Variants in TUFT1 observed in about 807,000 individuals in gnomAD.
The protein encoded by TUFT1 is tuftelin 1.
A neutral mutation model predicts 57.8 loss-of-function variants in TUFT1; 43 were observed. That is an observed-to-expected ratio of 0.74 (90% CI 0.58 to 0.96). The LOEUF (loss-of-function observed/expected upper bound fraction) is 0.96, where lower values mean the gene tolerates loss of function less well. TUFT1 is among the 40% of genes least tolerant of loss of function. The probability of loss-of-function intolerance (pLI) is 0.00; values close to 1 mark genes in which losing one functional copy is unlikely to be tolerated. For synonymous variants in TUFT1, 166 were observed against 176.7 expected, an observed-to-expected ratio of 0.94 and a Z score of 0.48; for missense variants, 459 against 489.0, an observed-to-expected ratio of 0.94 and a Z score of 0.58.
intron 6 of TUFT1, among the ~76,000 whole-genome samples, chr1:151,567,986 CAG>C (rs1384052632): frequency 6.6e-6 from 1 of 152,192 alleles, no homozygotes; most frequent in Non-Finnish European, 1.5e-5. Context: ...GTAATCTACT[CAG>C]AGAAAAACCA....
rs1254629955 is a variant in TUFT1, at chr1:151,582,052, T to C, written c.*345T>C. 1.9e-6 allele frequency: 1 copy of C among 529,204 alleles called. No homozygotes were observed. Among genetic ancestry groups the C allele is most frequent in the Admixed American group, 2.2e-5 (1 of 44,688 alleles). The allele number at this position is 529,204 out of a possible 1,614,324, so 32.8% of individuals were successfully genotyped here. On this transcript the variant is annotated 3_prime_UTR_variant, in exon 13 of 13. Transcript: ENST00000368849. ...TGCCATAAGCCAGGCCTTCATCAGA[T>C]TGGGAGAGGTGACAAGATTTGCCTC... is the stretch of plus-strand genomic sequence containing the variant.
chr1:151,581,839 G>A lies in TUFT1; in HGVS notation c.*132G>A, dbSNP rs1666655537. The A allele has an allele frequency of 1.1e-6, 1 of 918,650 alleles. No individual in the cohort carries two copies. The highest frequency in any genetic ancestry group is 1.7e-6 in the Non-Finnish European group (1 of 579,924). 56.9% of individuals were successfully genotyped at this position (918,650 alleles called of 1,614,324 possible). ...TGCACCCAGGACTTCGGGCTCCTGTGTCTCACCATTCCCAAGCCCCTGGCC... is the reference window on the plus strand; with the variant it reads ...TGCACCCAGGACTTCGGGCTCCTGTATCTCACCATTCCCAAGCCCCTGGCC... On this transcript the variant is annotated 3_prime_UTR_variant, in exon 13 of 13. Transcript: ENST00000368849.
intron 7 of TUFT1, among the ~76,000 whole-genome samples, chr1:151,570,972 G>T (rs955464435): frequency 1.3e-5 from 2 of 152,116 alleles, no homozygotes; most frequent in Non-Finnish European, 2.9e-5. Context: ...CTCCCAAAAT[G>T]TGGGGATTAC....
intron 1 of TUFT1, among the ~76,000 whole-genome samples, chr1:151,546,613 T>G (rs974476045): frequency 5.9e-5 from 9 of 152,340 alleles, no homozygotes; most frequent in Admixed American, 3.9e-4. Context: ...AATATAAATG[T>G]AATCATCGGT....
chr1:151,580,978 G>C lies in TUFT1; in HGVS notation c.1045G>C (p.Glu349Gln). The part of the protein sequence containing the change: ...EMHDRMEHLI[E>Q]KQISHGNFST... ...GCATGACCGGATGGAACACCTGATAGAAAAACAAATCAGTCATGGCAACTT... is the reference window on the plus strand; with the variant it reads ...GCATGACCGGATGGAACACCTGATACAAAAACAAATCAGTCATGGCAACTT... Residue 349 changes from glutamate to glutamine, a missense_variant, in exon 12 of 13, where the codon GAA (glutamate) becomes CAA (glutamine). Coordinates refer to ENST00000368849, the MANE Select transcript of TUFT1 (RefSeq NM_020127.3). 6.2e-7 allele frequency: 1 copy of C among 1,614,154 alleles called. No individual in the cohort carries two copies. Among genetic ancestry groups the C allele is most frequent in the South Asian group, 1.1e-5 (1 of 91,082 alleles).
intron 1 of TUFT1, among the ~76,000 whole-genome samples, chr1:151,550,327 C>A (rs544051443): frequency 6.6e-6 from 1 of 152,272 alleles, no homozygotes; most frequent in Admixed American, 6.5e-5. Context: ...GCCACTGTGC[C>A]TGGCCCAAAT....
intron 5 of TUFT1, among the ~76,000 whole-genome samples, chr1:151,565,370 T>C (rs1321591054): frequency 6.6e-6 from 1 of 152,264 alleles, no homozygotes. Context: ...TGATTTGCAT[T>C]TTGGTTCAGG....
chr1:151,548,142 TCGGGTGCGAGC>T (rs1438386040), intron 1 of TUFT1, among the ~76,000 whole-genome samples: 1 of 151,968 alleles, frequency 6.6e-6, no homozygotes, highest in African/African-American at 2.4e-5. Flanking sequence ...ATGAGCTGAG[TCGGGTGCGAGC>T]CTCACTCAAG....
intron 4 of TUFT1, among the ~76,000 whole-genome samples, chr1:151,564,268 C>T (rs1665993013): frequency 6.6e-6 from 1 of 152,230 alleles, no homozygotes. Context: ...CCCTTCCTGG[C>T]TCGTGTTTCT....
In TUFT1 at chr1:151,574,447, G is replaced by C. The variant is rs748380716; in HGVS notation, c.723+49G>C. The C allele has an allele frequency of 6.7e-5, 107 of 1,606,914 alleles. No homozygotes were observed. The East Asian group carries it at 2.3e-3, about 34-fold the overall frequency. On this transcript the variant is annotated intron_variant, in intron 8 of 12. Coordinates refer to ENST00000368849, the MANE Select transcript of TUFT1 (RefSeq NM_020127.3). ...AGTGCCTGGACTCCTGGGCTGGAAG[G>C]GGCCTGCAGGTGGATCGAAACGGTT...
At chr1:151,562,509 C>T (rs1350230261) in intron 2 of TUFT1, 76 bp from the exon 3 acceptor site, 5 of 1,255,440 alleles carry the variant, frequency 4.0e-6, no homozygotes, top group Non-Finnish European at 4.6e-6. Context: ...AGCTGAGGGG[C>T]AGGAGTTCTG....
chr1:151,562,173 G>A lies in TUFT1; in HGVS notation c.135+8G>A, dbSNP rs780351445. 12 of 1,612,648 alleles carry A rather than the reference G, an allele frequency of 7.4e-6. No individual in the cohort carries two copies. In the African/African-American group the frequency reaches 9.3e-5, roughly 13 times the overall value. ...GAACACATAGCCCAGAAGGTACTGCGGAATTCTGGTGGGCAAGGCCCCCTC... is the reference window on the plus strand; with the variant it reads ...GAACACATAGCCCAGAAGGTACTGCAGAATTCTGGTGGGCAAGGCCCCCTC... On this transcript the variant is annotated splice_region_variant and intron_variant, in intron 2 of 12. Coordinates refer to ENST00000368849, the MANE Select transcript of TUFT1 (RefSeq NM_020127.3).
At chr1:151,566,388 G>A (rs1338825991) in intron 6 of TUFT1, among the ~76,000 whole-genome samples, 160 bp downstream of exon 6, 1 of 152,116 alleles carries the variant, frequency 6.6e-6, no homozygotes, top group African/African-American at 2.4e-5. Flanking sequence ...ACAAAGAGTA[G>A]AAATTCTCCT....
chr1:151,578,809 C>A lies in TUFT1; in HGVS notation c.907C>A (p.Arg303=). ...GCTCAAGAGCCAGCAGCGGAAAGTC[C>A]GGCAAATGATAGAGCAGGTAAGTTG... ...DMLKSQQRKV[R]QMIEQLQNSK... The change falls in exon 10 of 13, where the codon CGG becomes AGG. Residue 303 remains arginine, a synonymous_variant. Coordinates refer to ENST00000368849, the MANE Select transcript of TUFT1 (RefSeq NM_020127.3). 6.4e-7 allele frequency: 1 copy of A among 1,571,658 alleles called. No individual in the cohort carries two copies. Among genetic ancestry groups the A allele is most frequent in the Non-Finnish European group, 8.6e-7 (1 of 1,157,084 alleles).
intron 7 of TUFT1, among the ~76,000 whole-genome samples, chr1:151,573,944 G>A (rs542796712): frequency 1.3e-5 from 2 of 152,266 alleles, no homozygotes; most frequent in African/African-American, 4.8e-5. Flanking sequence ...CCACAACATT[G>A]GGTTAAGCTT....
At chr1:151,562,277 G>A in intron 2 of TUFT1, 112 bp downstream of exon 2, 1 of 944,692 alleles carries the variant, frequency 1.1e-6, no homozygotes. Flanking sequence ...GAGCGTGGGA[G>A]CCCCTCCTTT....
chr1:151,547,394 A>G (rs1341475757), intron 1 of TUFT1, among the ~76,000 whole-genome samples: 3 of 152,172 alleles, frequency 2.0e-5, no homozygotes, highest in Admixed American at 6.5e-5. Flanking sequence ...CTTGCCTGCT[A>G]GTAATTATGG....
intron 1 of TUFT1, among the ~76,000 whole-genome samples, chr1:151,541,491 T>G (rs967361953): frequency 6.6e-6 from 1 of 152,082 alleles, no homozygotes; most frequent in Non-Finnish European, 1.5e-5. Context: ...AAAACTAAGG[T>G]GATGGGGAAC....
chr1:151,573,540 T>TTCGAGAGC (rs1666338908), intron 7 of TUFT1, among the ~76,000 whole-genome samples: 1 of 151,892 alleles, frequency 6.6e-6, no homozygotes, highest in South Asian at 2.1e-4. Flanking sequence ...AGGTCAGGAG[T>TTCGAGAGC]TCGAGAGCAG....
Sources: gnomAD v4.1 joint callset for allele counts (sites outside exome capture counted in the v4.1 genomes callset) on GRCh38, gnomAD v4.1.1 for gene constraint, MANE v1.5 for transcripts, NCBI Gene and HGNC (gene_info 2026-07-23, HGNC 2026-07-21) for gene names.